The following TNFRSF10C variants were observed in gnomAD, a reference collection of about 807,000 sequenced individuals.
TNFRSF10C encodes the protein TNF receptor superfamily member 10c, also known as tumor necrosis factor receptor superfamily member 10C.
In TNFRSF10C, 17 loss-of-function variants were observed where a neutral mutation model predicts 16.7. The observed-to-expected ratio is 1.02, with a 90% CI of 0.70 to 1.53. The LOEUF (loss-of-function observed/expected upper bound fraction) is 1.53. Among genes scored for constraint, TNFRSF10C ranks in the 40% most tolerant of loss-of-function variants. The pLI is 0.00. For synonymous variants in TNFRSF10C, 73 were observed against 119.7 expected, an observed-to-expected ratio of 0.61 and a Z score of 2.55; for missense variants, 237 against 329.7, an observed-to-expected ratio of 0.72 and a Z score of 2.18.
intron 1 of TNFRSF10C, among the ~76,000 whole-genome samples, chr8:23,106,641 T>C (rs1813781818): frequency 6.6e-6 from 1 of 152,176 alleles, no homozygotes; most frequent in South Asian, 2.1e-4. Context: ...GGATCCATTC[T>C]AACATGGTCT....
chr8:23,114,722 G>C lies in TNFRSF10C; in HGVS notation c.232G>C (p.Ala78Pro), dbSNP rs765149128. ...PCTEGVDYTN[A>P]SNNEPSCFPC... Reference sequence around the variant, plus strand: ...CACAGAGGGTGTGGATTACACCAACGCTTCCAACAATGAACCTTCTTGCTT... The same window carrying C: ...CACAGAGGGTGTGGATTACACCAACCCTTCCAACAATGAACCTTCTTGCTT... The change falls in exon 3 of 5, where the codon GCT (alanine) becomes CCT (proline). Residue 78 changes from alanine to proline, a missense_variant. Ala to Pro is a conservative substitution (Grantham distance 27). This residue lies in a region of TNFRSF10C where 212 missense variants were observed against 196.8 expected (regional missense o/e 1.08). Transcript: ENST00000356864. 6.2e-7 allele frequency: 1 copy of C among 1,613,878 alleles called. No individual in the cohort carries two copies. The highest frequency in any genetic ancestry group is 1.3e-5 in the African/African-American group (1 of 74,880).
intron 1 of TNFRSF10C, among the ~76,000 whole-genome samples, chr8:23,107,289 A>G (rs187650002): frequency 4.5e-4 from 69 of 152,362 alleles, no homozygotes; most frequent in African/African-American, 1.4e-3. Context: ...TCTCATTAAA[A>G]TTCGACCAAT....
At position 23,114,652 on chromosome 8, in the gene TNFRSF10C, C is replaced by T. The variant is rs1458726357; in HGVS notation, c.167-5C>T. On this transcript the variant is annotated splice_region_variant and splice_polypyrimidine_tract_variant and intron_variant, in intron 2 of 4. Coordinates refer to ENST00000356864, the MANE Select transcript of TNFRSF10C (RefSeq NM_003841.5). The stretch of plus-strand genomic sequence containing the variant: ...TCATTCATTGGCTTTTCTCTTCCTT[C>T]CCAGGATCTCATAGATCAGAACATA... The T allele has an allele frequency of 2.5e-6, 4 of 1,611,194 alleles. No individual in the cohort carries two copies. The highest frequency in any genetic ancestry group is 4.5e-5 in the East Asian group (2 of 44,856).
At chr8:23,114,308 T>C (rs1251195776) in intron 2 of TNFRSF10C, among the ~76,000 whole-genome samples, 4 of 152,196 alleles carry the variant, frequency 2.6e-5, no homozygotes, top group Non-Finnish European at 5.9e-5. Context: ...GTAAAAAAAG[T>C]AAAATATCTC....
chr8:23,108,087 G>T (rs1458646760), intron 1 of TNFRSF10C, among the ~76,000 whole-genome samples: 1 of 152,162 alleles, frequency 6.6e-6, no homozygotes, highest in Non-Finnish European at 1.5e-5. Context: ...GGTTTGAGGG[G>T]CATAAGGCAG....
At chr8:23,104,067 C>A (rs2128829477) in intron 1 of TNFRSF10C, among the ~76,000 whole-genome samples, 1 of 152,328 alleles carries the variant, frequency 6.6e-6, no homozygotes, top group South Asian at 2.1e-4. Context: ...TCAAAAATTA[C>A]ACAACTGACT....
intron 2 of TNFRSF10C, among the ~76,000 whole-genome samples, chr8:23,112,152 A>G (rs1448703332): frequency 6.6e-6 from 1 of 152,234 alleles, no homozygotes; most frequent in Non-Finnish European, 1.5e-5. Flanking sequence ...AAAAATGATA[A>G]TACATCAATA....
At chr8:23,108,246 G>C (rs1021637330) in intron 1 of TNFRSF10C, among the ~76,000 whole-genome samples, 7 of 152,188 alleles carry the variant, frequency 4.6e-5, no homozygotes, top group Admixed American at 3.3e-4. Context: ...CAGGTGACTT[G>C]AGAAACAGTA....
At chr8:23,113,851 G>A (rs970049974) in intron 2 of TNFRSF10C, among the ~76,000 whole-genome samples, 2 of 151,938 alleles carry the variant, frequency 1.3e-5, no homozygotes, top group African/African-American at 2.4e-5. Flanking sequence ...AGCTACTCGG[G>A]AGGCTGAGGC....
intron 1 of TNFRSF10C, among the ~76,000 whole-genome samples, chr8:23,104,501 T>C (rs1038519121): frequency 6.6e-6 from 1 of 152,250 alleles, no homozygotes; most frequent in Non-Finnish European, 1.5e-5. Context: ...AATACCCTTG[T>C]ATGTATCGTG....
intron 4 of TNFRSF10C, 150 bp from the exon 5 acceptor site, chr8:23,116,491 G>A (rs1453473452): frequency 3.6e-6 from 4 of 1,103,172 alleles, no homozygotes; most frequent in South Asian, 1.6e-5. Flanking sequence ...CAGCCTCAAC[G>A]AGGGAACTTG....
At chr8:23,113,159 T>A (rs909839143) in intron 2 of TNFRSF10C, among the ~76,000 whole-genome samples, 2 of 152,218 alleles carry the variant, frequency 1.3e-5, no homozygotes, top group Admixed American at 1.3e-4. Flanking sequence ...TATTTGATTG[T>A]GTGCTATTGA....
chr8:23,104,435 G>T (rs552167044), intron 1 of TNFRSF10C, among the ~76,000 whole-genome samples: 1 of 152,220 alleles, frequency 6.6e-6, no homozygotes, highest in African/African-American at 2.4e-5. Flanking sequence ...CCGCCTAGGG[G>T]CAGCTGGTTA....
intron 3 of TNFRSF10C, 137 bp downstream of exon 3, chr8:23,114,907 C>A: frequency 1.5e-6 from 1 of 670,556 alleles, no homozygotes; most frequent in Non-Finnish European, 2.6e-6. Context: ...ATATATTTGA[C>A]TGATTAAAAA....
intron 1 of TNFRSF10C, 148 bp from the exon 2 acceptor site, chr8:23,111,572 C>A: frequency 4.5e-6 from 3 of 663,164 alleles, no homozygotes; most frequent in African/African-American, 1.8e-5. Context: ...GGGACAAACA[C>A]AGGTATGAAA....
intron 1 of TNFRSF10C, among the ~76,000 whole-genome samples, chr8:23,106,931 A>C (rs80132458): frequency 1.5e-5 from 1 of 68,874 alleles, no homozygotes. Flanking sequence ...AGCTTTCAGA[A>C]AAAAAAAAAA....
At chr8:23,115,822 G>A (rs1314677809) in intron 4 of TNFRSF10C, among the ~76,000 whole-genome samples, 2 of 145,538 alleles carry the variant, frequency 1.4e-5, no homozygotes, top group Non-Finnish European at 3.0e-5. Flanking sequence ...CCCCTTCCCA[G>A]ACCCTCCCCA....
rs1199600302 is a variant in TNFRSF10C at position 23,104,751 on chromosome 8, A to G, written c.60+1570A>G. 6.6e-5 allele frequency among the ~76,000 whole-genome samples: 10 copies of G among 152,314 alleles called. 1 individual carries two copies. Among genetic ancestry groups the G allele is most frequent in the Non-Finnish European group, 8.8e-5 (6 of 68,030 alleles). ...TCTAAGATGTAAAACATAACACATC[A>G]CATTGCTATGTATTTTTGTTTCCTC... On this transcript the variant is annotated intron_variant, in intron 1 of 4. Transcript: ENST00000356864.
At chr8:23,103,257 G>T (rs780792551) in intron 1 of TNFRSF10C, 76 bp downstream of exon 1, 35 of 1,564,918 alleles carry the variant, frequency 2.2e-5, no homozygotes, top group Non-Finnish European at 3.0e-5. Context: ...CGGGGACACG[G>T]CAGGGATGCC....
Sources: gnomAD v4.1 joint callset for allele counts (sites outside exome capture counted in the v4.1 genomes callset) on GRCh38, gnomAD v4.1.1 for gene constraint, gnomAD v4.1.1 regional missense constraint, MANE v1.5 for transcripts, NCBI Gene and HGNC (gene_info 2026-07-23, HGNC 2026-07-21) for gene names.